DAB2IP: variants seen among roughly 807,000 people sequenced by gnomAD.
DAB2IP encodes the protein DAB2 interacting protein.
In DAB2IP, 28 loss-of-function variants were observed where a neutral mutation model predicts 107.2. The observed-to-expected ratio is 0.26, with a 90% CI of 0.19 to 0.36. DAB2IP has a LOEUF of 0.36. DAB2IP is among the 10% of genes least tolerant of loss of function. The pLI, the probability that DAB2IP is intolerant of heterozygous loss-of-function variation, is 1.00. For synonymous variants in DAB2IP, 755 were observed against 706.4 expected (o/e 1.07, Z -1.09); for missense variants, 1,400 against 1,644.7 (o/e 0.85, Z 2.57).
intron 6 of DAB2IP, among the ~76,000 whole-genome samples, chr9:121,762,875 C>G (rs1053676951): frequency 6.6e-6 from 1 of 152,158 alleles, no homozygotes; most frequent in Non-Finnish European, 1.5e-5. Context: ...GTGTGTGGGA[C>G]CTGATGGGCC....
chr9:121,664,358 CTTTG>C lies in DAB2IP; in HGVS notation c.124+12464_124+12467del, dbSNP rs768685731. The stretch of plus-strand genomic sequence containing the variant: ...CCCCAACCTGTTTCTTCTTTCTCAA[CTTTG>C]TTTGGCTGTCTAGGTCCTTTGGTTT... On this transcript the variant is annotated intron_variant, in intron 1 of 15. Transcript: ENST00000408936. Among the ~76,000 whole-genome samples the C allele has an allele frequency of 1.5e-4, 23 of 152,322 alleles. No individual in the cohort carries two copies. In the Middle Eastern group the frequency reaches 0.014, roughly 90 times the overall value.
exon 4 of DAB2IP, chr9:121,757,131 C>T (rs1464334934): frequency 6.2e-7 from 1 of 1,614,068 alleles, no homozygotes; most frequent in Non-Finnish European, 8.5e-7. Context: ...CAAGCCCGTG[C>T]ACAGCAGCAT....
chr9:121,774,545 T>A, intron 13 of DAB2IP, 133 bp downstream of exon 13: 1 of 1,060,308 alleles, frequency 9.4e-7, no homozygotes, highest in Non-Finnish European at 1.3e-6. Context: ...TCTGAGCCCC[T>A]GTTCCCTGTG....
chr9:121,629,642 G>C (rs140802987), intron 1 of DAB2IP, among the ~76,000 whole-genome samples: 7 of 152,242 alleles, frequency 4.6e-5, no homozygotes, highest in Non-Finnish European at 8.8e-5. Context: ...GCTGTCTGGG[G>C]CACTCTGGCT....
intron 3 of DAB2IP, among the ~76,000 whole-genome samples, chr9:121,747,857 C>CA (rs35203556): frequency 0.3 from 38,466 of 127,888 alleles, 5,261 homozygotes; most frequent in East Asian, 0.36. Context: ...TCCTCCCCCG[C>CA]AAAAAAAAAA....
At chr9:121,710,395 C>G (rs1830282536) in intron 3 of DAB2IP, among the ~76,000 whole-genome samples, 1 of 152,126 alleles carries the variant, frequency 6.6e-6, no homozygotes, top group Non-Finnish European at 1.5e-5. Flanking sequence ...GGAGGCAGGC[C>G]TTAAGAAAGA....
intron 1 of DAB2IP, among the ~76,000 whole-genome samples, chr9:121,676,820 G>T (rs1208585814): frequency 6.6e-6 from 1 of 152,202 alleles, no homozygotes; most frequent in Non-Finnish European, 1.5e-5. Flanking sequence ...GGAGCAGGAA[G>T]GGAGTCCTCT....
intron 1 of DAB2IP, among the ~76,000 whole-genome samples, chr9:121,644,202 GGAAGAA>G (rs374085175): frequency 8.3e-6 from 1 of 120,196 alleles, no homozygotes; most frequent in African/African-American, 2.9e-5. Flanking sequence ...AGGAAGAAGA[GGAAGAA>G]GAGGAAGAGG....
intron 1 of DAB2IP, among the ~76,000 whole-genome samples, chr9:121,658,973 C>T (rs1833083183): frequency 6.6e-6 from 1 of 152,248 alleles, no homozygotes. Context: ...TTCTCCCTGA[C>T]AGACAGGAGA....
chr9:121,782,920 C>T lies in DAB2IP; in HGVS notation c.*422C>T, dbSNP rs1462962076. The T allele has an allele frequency of 9.8e-7, 1 of 1,022,862 alleles. No homozygotes were observed. Among genetic ancestry groups the T allele is most frequent in the Non-Finnish European group, 1.2e-6 (1 of 853,132 alleles). 63.4% of individuals were successfully genotyped at this position (1,022,862 alleles called of 1,614,324 possible). ...GCTAGGGGCCTACACCTGTGGCTTCCCCTCGCCTCCTTGGGGGGCCCGGGA... is the reference window on the plus strand; with the variant it reads ...GCTAGGGGCCTACACCTGTGGCTTCTCCTCGCCTCCTTGGGGGGCCCGGGA... On this transcript the variant is annotated 3_prime_UTR_variant, in exon 16 of 16. Transcript: ENST00000408936. The surrounding 1 kb of genome is among the most constrained non-coding windows in gnomAD (Gnocchi z 6.1).
upstream of DAB2IP, among the ~76,000 whole-genome samples, chr9:121,647,523 C>CTT (rs1328026085): frequency 6.6e-6 from 1 of 152,178 alleles, no homozygotes; most frequent in Non-Finnish European, 1.5e-5. Context: ...CAGCCCAGCT[C>CTT]TGATGCTACC....
intron 8 of DAB2IP, among the ~76,000 whole-genome samples, chr9:121,764,353 A>T (rs1834115311): frequency 6.6e-6 from 1 of 152,208 alleles, no homozygotes; most frequent in Non-Finnish European, 1.5e-5. Flanking sequence ...AAAGGACTAG[A>T]CTTTGAAGTA....
chr9:121,608,974 C>T (rs1341266999), intron 1 of DAB2IP, among the ~76,000 whole-genome samples: 1 of 152,202 alleles, frequency 6.6e-6, no homozygotes, highest in Non-Finnish European at 1.5e-5. Context: ...CAGCGTCTCG[C>T]TCTGTCGCCC....
chr9:121,761,950 T>G (rs543525647), intron 6 of DAB2IP, among the ~76,000 whole-genome samples: 108 of 152,248 alleles, frequency 7.1e-4, no homozygotes, highest in African/African-American at 2.4e-3. Context: ...GATTCCTCCC[T>G]GAAGCAGCCT....
At chr9:121,746,798 A>G (rs1303269447) in intron 3 of DAB2IP, among the ~76,000 whole-genome samples, 2 of 152,106 alleles carry the variant, frequency 1.3e-5, no homozygotes, top group Non-Finnish European at 2.9e-5. Context: ...TTTCATTATC[A>G]TTTCCCACTT....
chr9:121,737,597 G>A (rs1832019203), intron 3 of DAB2IP: 17 of 985,446 alleles, frequency 1.7e-5, no homozygotes, highest in Non-Finnish European at 1.9e-5. Context: ...GGGCCGGGCC[G>A]GAGGGGCTGC....
At chr9:121,694,788 G>A (rs1829336288) in intron 2 of DAB2IP, among the ~76,000 whole-genome samples, 1 of 152,152 alleles carries the variant, frequency 6.6e-6, no homozygotes, top group Non-Finnish European at 1.5e-5. Context: ...GAGAGGGGCG[G>A]GGGCTACACA....
At chr9:121,725,861 G>A (rs1831214704) in intron 3 of DAB2IP, among the ~76,000 whole-genome samples, 1 of 152,212 alleles carries the variant, frequency 6.6e-6, no homozygotes, top group Non-Finnish European at 1.5e-5. Flanking sequence ...GATCCTGAAA[G>A]TAGCTGGGAA....
chr9:121,621,575 C>T (rs948124712), intron 1 of DAB2IP, among the ~76,000 whole-genome samples: 2 of 151,904 alleles, frequency 1.3e-5, no homozygotes, highest in East Asian at 1.9e-4. Context: ...TGTAAGTCCT[C>T]GTGCAGTCCA....
Sources: gnomAD v4.1 joint callset for allele counts (sites outside exome capture counted in the v4.1 genomes callset) on GRCh38, gnomAD v4.1.1 for gene constraint, Gnocchi (gnomAD v3.1) non-coding constraint, MANE v1.5 for transcripts, NCBI Gene and HGNC (gene_info 2026-07-23, HGNC 2026-07-21) for gene names.